DPP6: variants seen among roughly 807,000 people sequenced by gnomAD.
DPP6 encodes the protein A-type potassium channel modulatory protein DPP6.
In DPP6, 69 loss-of-function variants were observed where a neutral mutation model predicts 122.6. The ratio of observed to expected loss-of-function variants is 0.56; its 90% CI spans 0.46 to 0.69. The LOEUF (loss-of-function observed/expected upper bound fraction) is 0.69, where lower values mean the gene tolerates loss of function less well. DPP6 is among the 30% of genes least tolerant of loss of function. The probability of loss-of-function intolerance (pLI) is 0.00; values close to 1 mark genes in which losing one functional copy is unlikely to be tolerated. For missense variants in DPP6, 928 were observed against 1,116.9 expected, an observed-to-expected ratio of 0.83 and a Z score of 2.41; for synonymous variants, 418 against 433.1, an observed-to-expected ratio of 0.97 and a Z score of 0.43.
At chr7:154,874,014 GCA>G (rs1245018059) in intron 19 of DPP6, among the ~76,000 whole-genome samples, 3 of 149,938 alleles carry the variant, frequency 2.0e-5, no homozygotes, top group African/African-American at 5.0e-5. Context: ...ACACACACAT[GCA>G]CACACATACG....
chr7:153,764,383 C>T, the DPP6 span, among the ~76,000 whole-genome samples: 1 of 152,008 alleles, frequency 6.6e-6, no homozygotes, highest in Non-Finnish European at 1.5e-5. Context: ...CTGGCATGTT[C>T]CTTGCTCCTC....
chr7:154,468,736 C>G (rs895625867), intron 2 of DPP6, among the ~76,000 whole-genome samples: 1 of 152,118 alleles, frequency 6.6e-6, no homozygotes, highest in Non-Finnish European at 1.5e-5. Context: ...ATAAGATGTG[C>G]TGAATAATGC....
chr7:154,066,158 C>G (rs1802711029), intron 1 of DPP6, among the ~76,000 whole-genome samples: 1 of 150,526 alleles, frequency 6.6e-6, no homozygotes, highest in African/African-American at 2.4e-5. Context: ...CTCTCAGGTT[C>G]AAGTGATTCT....
At chr7:154,763,695 C>G (rs890002968) in intron 8 of DPP6, among the ~76,000 whole-genome samples, 2 of 152,192 alleles carry the variant, frequency 1.3e-5, no homozygotes, top group African/African-American at 4.8e-5. Context: ...GAGAAGAACT[C>G]TTAGAGAAAC....
chr7:154,440,067 A>G (rs1296054185), intron 1 of DPP6, among the ~76,000 whole-genome samples: 1 of 152,176 alleles, frequency 6.6e-6, no homozygotes, highest in East Asian at 1.9e-4. Context: ...CTCTGCTTCC[A>G]CTAAGATGAT....
At chr7:154,426,924 G>T (rs1296460395) in intron 1 of DPP6, among the ~76,000 whole-genome samples, 1 of 151,504 alleles carries the variant, frequency 6.6e-6, no homozygotes, top group African/African-American at 2.4e-5. Context: ...AAAAGTGTTT[G>T]TTTAGAATAA....
chr7:154,045,468 C>T (rs753315498), intron 1 of DPP6, among the ~76,000 whole-genome samples: 11 of 152,250 alleles, frequency 7.2e-5, no homozygotes, highest in Non-Finnish European at 1.2e-4. Flanking sequence ...TTGCCCGGCC[C>T]CAGCCCTGAG....
At chr7:154,058,944 AG>A (rs1227388111) in intron 1 of DPP6, 1 of 146,282 alleles carries the variant, frequency 6.8e-6, no homozygotes, top group Non-Finnish European at 1.5e-5. Flanking sequence ...CCCCCATCGC[AG>A]GGTGGGGGAG....
At chr7:154,049,775 T>G (rs1190787141), upstream of DPP6, among the ~76,000 whole-genome samples, 1 of 148,446 alleles carries the variant, frequency 6.7e-6, no homozygotes, top group East Asian at 2.0e-4. Context: ...TTAGTGGAGA[T>G]GGGGTTTCAC....
rs539617616 is a variant in DPP6, at chr7:154,452,168, T to C, written c.358+5840T>C. 3.9e-5 allele frequency among the ~76,000 whole-genome samples: 6 copies of C among 152,348 alleles called. No homozygotes were observed. The South Asian group carries it at 1.2e-3, about 32-fold the overall frequency. Reference sequence around the variant, plus strand: ...ACTCCATGCTAAGTGCCAGACAGAATGTGGAAAGAGAAGATGCCAGTACTT... The same window carrying C: ...ACTCCATGCTAAGTGCCAGACAGAACGTGGAAAGAGAAGATGCCAGTACTT... On this transcript the variant is annotated intron_variant, in intron 2 of 25. Coordinates refer to ENST00000377770, the MANE Select transcript of DPP6 (RefSeq NM_130797.4).
At chr7:154,149,894 C>T (rs1053091480) in intron 1 of DPP6, among the ~76,000 whole-genome samples, 6 of 152,240 alleles carry the variant, frequency 3.9e-5, no homozygotes, top group East Asian at 3.9e-4. Context: ...CTCAGACCAC[C>T]GGGAAAGTTC....
intron 4 of DPP6, among the ~76,000 whole-genome samples, chr7:154,551,145 T>G (rs1829603492): frequency 6.6e-6 from 1 of 152,224 alleles, no homozygotes; most frequent in African/African-American, 2.4e-5. Context: ...TTTTATAAGT[T>G]TCAAATGAGT....
At chr7:154,508,605 C>T (rs1284284600) in intron 3 of DPP6, among the ~76,000 whole-genome samples, 1 of 152,152 alleles carries the variant, frequency 6.6e-6, no homozygotes, top group Non-Finnish European at 1.5e-5. Flanking sequence ...AGTTGAGTGC[C>T]TAGGAGGAAA....
chr7:154,490,791 G>A (rs562828624), intron 3 of DPP6, among the ~76,000 whole-genome samples: 79 of 152,230 alleles, frequency 5.2e-4, no homozygotes, highest in African/African-American at 1.9e-3. Context: ...ATTTTAATGG[G>A]CACATTTATT....
chr7:154,664,635 G>A (rs998019952), intron 6 of DPP6, among the ~76,000 whole-genome samples: 1 of 149,958 alleles, frequency 6.7e-6, no homozygotes, highest in African/African-American at 2.5e-5. Context: ...GAGGGCCTGT[G>A]CTGTGCTCCA....
intron 1 of DPP6, among the ~76,000 whole-genome samples, chr7:154,290,515 GA>G (rs1450096211): frequency 1.3e-5 from 2 of 151,800 alleles, no homozygotes; most frequent in South Asian, 2.1e-4. Flanking sequence ...GCACATTCAT[GA>G]AAATTCCTCA....
intron 1 of DPP6, among the ~76,000 whole-genome samples, chr7:153,936,433 T>G (rs1309204139): frequency 6.6e-6 from 1 of 152,136 alleles, no homozygotes; most frequent in Non-Finnish European, 1.5e-5. Context: ...GGCCTCCACC[T>G]CTTTTCAGTG....
intron 3 of DPP6, among the ~76,000 whole-genome samples, chr7:154,502,206 G>T (rs189888404): frequency 3.3e-5 from 5 of 152,260 alleles, no homozygotes; most frequent in Admixed American, 3.3e-4. Flanking sequence ...AGACAGAAGG[G>T]ACTTGCCTTG....
chr7:154,294,182 C>A lies in DPP6; in HGVS notation c.244-152032C>A, dbSNP rs1364876136. Reference sequence around the variant, plus strand: ...GGAGAAACTCACAGGCAGGGCCGGGCAGAGAAGTGGTCAGTGATGCTCTAA... The same window carrying A: ...GGAGAAACTCACAGGCAGGGCCGGGAAGAGAAGTGGTCAGTGATGCTCTAA... On this transcript the variant is annotated intron_variant, in intron 1 of 25. Coordinates refer to ENST00000377770, the MANE Select transcript of DPP6 (RefSeq NM_130797.4). Among the ~76,000 whole-genome samples, 3 of 152,154 alleles carry A rather than the reference C, an allele frequency of 2.0e-5. No individual in the cohort carries two copies. In the East Asian group the frequency reaches 5.8e-4, roughly 29 times the overall value.
Sources: gnomAD v4.1 joint callset for allele counts (sites outside exome capture counted in the v4.1 genomes callset) on GRCh38, gnomAD v4.1.1 for gene constraint, MANE v1.5 for transcripts, NCBI Gene and HGNC (gene_info 2026-07-23, HGNC 2026-07-21) for gene names.